KIF15: variants seen among roughly 807,000 people sequenced by gnomAD.
KIF15 encodes kinesin family member 15.
KIF15 carries 140 observed loss-of-function variants against 190.6 expected under a neutral mutation model. That is an observed-to-expected ratio of 0.73 (90% CI 0.64 to 0.84). The LOEUF is 0.84. Ranked by LOEUF, KIF15 falls within the 40% of genes least tolerant of loss-of-function variation. The pLI, the probability that KIF15 is intolerant of heterozygous loss-of-function variation, is 0.00. For missense variants in KIF15, 1,372 were observed against 1,584.4 expected (o/e 0.87, Z 2.28); for synonymous variants, 528 against 551.3 (o/e 0.96, Z 0.59).
At chr3:44,775,717 G>A (rs1450318503) in intron 3 of KIF15, among the ~76,000 whole-genome samples, 2 of 151,856 alleles carry the variant, frequency 1.3e-5, no homozygotes, top group Admixed American at 1.3e-4. Flanking sequence ...GCCTCCCAAA[G>A]TGCTGGGATT....
intron 26 of KIF15, among the ~76,000 whole-genome samples, chr3:44,837,576 ATATGTACATGTC>A (rs1698384583): frequency 6.6e-6 from 1 of 152,086 alleles, no homozygotes; most frequent in Non-Finnish European, 1.5e-5. Flanking sequence ...ATATCCATGT[ATATGTACATGTC>A]TATGTACACA....
At chr3:44,823,443 A>G (rs1387199876) in intron 20 of KIF15, among the ~76,000 whole-genome samples, 1 of 152,176 alleles carries the variant, frequency 6.6e-6, no homozygotes. Flanking sequence ...TGGGAGGTTT[A>G]TCCCAGTTAG....
chr3:44,851,893 A>G lies in KIF15; in HGVS notation c.3913A>G (p.Lys1305Glu), dbSNP rs934154104. The change falls in exon 33 of 35, where the codon AAA becomes GAA. Residue 1305 changes from lysine to glutamate, a missense_variant. Coordinates refer to ENST00000326047, the MANE Select transcript of KIF15 (RefSeq NM_020242.3). Reference sequence around the variant, plus strand: ...TTTGGAGTCTAAAGCATTCCAGGAAAAAGAACAACTGAGATCAAAGCTGGA... The same window carrying G: ...TTTGGAGTCTAAAGCATTCCAGGAAGAAGAACAACTGAGATCAAAGCTGGA... Reference protein sequence around the residue: ...QTLESKAFQEKEQLRSKLEEM... With the variant: ...QTLESKAFQEEEQLRSKLEEM... The G allele has an allele frequency of 1.2e-6, 2 of 1,614,082 alleles. No individual in the cohort carries two copies.
chr3:44,861,963 C>T (rs1252016309), intron 6 of KIF15: 3 of 1,399,680 alleles, frequency 2.1e-6, no homozygotes, highest in African/African-American at 1.5e-5. Context: ...GCGCCGTGTC[C>T]GCGACCGCGT....
At chr3:44,802,029 C>T in intron 13 of KIF15, 55 bp downstream of exon 13, 2 of 1,274,350 alleles carry the variant, frequency 1.6e-6, no homozygotes, top group Non-Finnish European at 2.2e-6. Context: ...CAAAGCAAAT[C>T]TAAGTTTGTC....
downstream of KIF15, among the ~76,000 whole-genome samples, chr3:44,854,475 T>C (rs1292268288): frequency 6.6e-6 from 1 of 151,006 alleles, no homozygotes; most frequent in East Asian, 1.9e-4. Context: ...GAATAATAAA[T>C]AGTAAATCCG....
intron 5 of KIF15, among the ~76,000 whole-genome samples, chr3:44,783,538 A>G (rs796632922): frequency 2.0e-5 from 3 of 152,170 alleles, no homozygotes; most frequent in South Asian, 2.1e-4. Flanking sequence ...CACCTCCAAC[A>G]GTGGGGATCA....
chr3:44,786,619 G>A (rs1282917555), intron 7 of KIF15, 45 bp downstream of exon 7: 1 of 1,483,296 alleles, frequency 6.7e-7, no homozygotes, highest in Non-Finnish European at 9.1e-7. Flanking sequence ...CAACAAACCT[G>A]CTGTGAATGC....
intron 20 of KIF15, among the ~76,000 whole-genome samples, chr3:44,821,931 G>A (rs7652485): frequency 8.5e-5 from 13 of 152,154 alleles, no homozygotes; most frequent in Non-Finnish European, 8.8e-5. Flanking sequence ...AGACCAGCCC[G>A]GCCAACACAG....
intron 7 of KIF15, among the ~76,000 whole-genome samples, chr3:44,787,581 T>C (rs1406280369): frequency 6.6e-6 from 1 of 152,160 alleles, no homozygotes; most frequent in East Asian, 1.9e-4. Context: ...TATACATACA[T>C]ACTCAAAAAT....
In KIF15 at chr3:44,829,977, G is replaced by A. The variant is rs774900255; in HGVS notation, c.2950G>A (p.Val984Ile). Reference protein sequence around the residue: ...EKSRDSDKKVVADLMNQIQEL... With the variant: ...EKSRDSDKKVIADLMNQIQEL... ...TTATTTCTGTCCTCATCAGAAAGTT[G>A]TAGCTGACCTCATGAACCAGATCCA... The change falls in exon 25 of 35, where the codon GTA (valine) becomes ATA (isoleucine). Residue 984 changes from valine (V) to isoleucine (I), a missense_variant. Coordinates refer to ENST00000326047, the MANE Select transcript of KIF15 (RefSeq NM_020242.3). 70 of 1,573,456 alleles carry A rather than the reference G, an allele frequency of 4.4e-5. 2 individuals are homozygous for A. The South Asian group carries it at 7.2e-4, about 16-fold the overall frequency.
intron 4 of KIF15, among the ~76,000 whole-genome samples, chr3:44,779,116 C>T (rs1183240955): frequency 1.3e-5 from 2 of 151,528 alleles, no homozygotes; most frequent in African/African-American, 4.9e-5. Flanking sequence ...AAATTATTTA[C>T]CTTGTTGTTC....
intron 6 of KIF15, chr3:44,862,565 A>G (rs753742602): frequency 6.6e-6 from 1 of 152,536 alleles, no homozygotes; most frequent in Non-Finnish European, 1.5e-5. Flanking sequence ...CTCCGTAATT[A>G]ACGGGTGTTG....
chr3:44,811,677 T>C (rs527507859), intron 17 of KIF15, among the ~76,000 whole-genome samples: 1 of 152,194 alleles, frequency 6.6e-6, no homozygotes, highest in Non-Finnish European at 1.5e-5. Context: ...AATCTTATTA[T>C]AGATCAAATT....
Position 44,810,830 on chromosome 3 carries a change from TC to T in KIF15, c.1972-15del, listed in dbSNP as rs1707750437. ...AAATATGTGCTAATGTTTTCCATAA[TC>T]ATTTTTTGCTGCAGATTATAACTAC... On this transcript the variant is annotated splice_polypyrimidine_tract_variant and intron_variant, in intron 16 of 34. Coordinates refer to ENST00000326047, the MANE Select transcript of KIF15 (RefSeq NM_020242.3). 6.3e-7 allele frequency: 1 copy of T among 1,587,680 alleles called. No individual in the cohort carries two copies. The highest frequency in any genetic ancestry group is 1.4e-5 in the African/African-American group (1 of 73,514).
rs186569378 is a variant in KIF15, at chr3:44,834,217, A to G, written c.3171+3199A>G. Reference sequence around the variant, plus strand: ...TTAGCTAAAATTTAGTTTTATGGCTATGGTTTGTGAATTGTTCAGTATATT... The same window carrying G: ...TTAGCTAAAATTTAGTTTTATGGCTGTGGTTTGTGAATTGTTCAGTATATT... On this transcript the variant is annotated intron_variant, in intron 26 of 34. Coordinates refer to ENST00000326047, the MANE Select transcript of KIF15 (RefSeq NM_020242.3). Among the ~76,000 whole-genome samples, 11 of 152,306 alleles carry G rather than the reference A, an allele frequency of 7.2e-5. No individual in the cohort carries two copies. In the East Asian group the frequency reaches 1.9e-3, roughly 27 times the overall value.
At chr3:44,810,795 T>G in intron 16 of KIF15, 51 bp from the exon 17 acceptor site, 1 of 1,390,602 alleles carries the variant, frequency 7.2e-7, no homozygotes, top group Non-Finnish European at 9.9e-7. Context: ...TTATTAAATA[T>G]GCCCTTTTTA....
At chr3:44,773,245 C>A (rs1300033139) in intron 1 of KIF15, among the ~76,000 whole-genome samples, 2 of 152,030 alleles carry the variant, frequency 1.3e-5, no homozygotes, top group Non-Finnish European at 2.9e-5. Context: ...AAAGGAGAAC[C>A]TCTTATTCTT....
intron 9 of KIF15, 30 bp from the exon 10 acceptor site, chr3:44,797,804 G>C: frequency 1.2e-6 from 2 of 1,608,260 alleles, no homozygotes; most frequent in Non-Finnish European, 1.7e-6. Context: ...ATTTCTCACC[G>C]AAAATATGTT....
Sources: allele counts gnomAD v4.1 joint callset (sites outside exome capture counted in the v4.1 genomes callset), GRCh38; gene constraint gnomAD v4.1.1; transcripts MANE v1.5; gene names NCBI Gene and HGNC (gene_info 2026-07-23, HGNC 2026-07-21).